Variants in ASTN2 observed in about 807,000 individuals in gnomAD.
ASTN2 encodes astrotactin-2.
In ASTN2, 54 loss-of-function variants were observed where a neutral mutation model predicts 139.8. The ratio of observed to expected loss-of-function variants is 0.39; its 90% CI spans 0.31 to 0.48. The LOEUF (loss-of-function observed/expected upper bound fraction) is 0.48. Ranked by LOEUF, ASTN2 falls within the 20% of genes least tolerant of loss-of-function variation. The pLI, the probability that ASTN2 is intolerant of heterozygous loss-of-function variation, is 0.95. For missense variants in ASTN2, 1,565 were observed against 1,725.1 expected (o/e 0.91, Z 1.64); for synonymous variants, 756 against 719.5 (o/e 1.05, Z -0.81).
chr9:117,309,881 C>T (rs1827918490), intron 1 of ASTN2, among the ~76,000 whole-genome samples: 1 of 152,082 alleles, frequency 6.6e-6, no homozygotes, highest in Non-Finnish European at 1.5e-5. Context: ...TAGAAAGGTC[C>T]CATGCTGAGT....
chr9:116,491,370 C>A (rs1328617958), intron 19 of ASTN2, among the ~76,000 whole-genome samples: 1 of 152,062 alleles, frequency 6.6e-6, no homozygotes, highest in South Asian at 2.1e-4. Context: ...CCTATTTTTT[C>A]AGTTCCAAAG....
At position 116,600,839 on chromosome 9, in the gene ASTN2, C is replaced by A. The variant is rs143981972; in HGVS notation, c.3355+17485G>T. Among the ~76,000 whole-genome samples the A allele has an allele frequency of 2.6e-5, 4 of 152,178 alleles. No individual in the cohort carries two copies. In the East Asian group the frequency reaches 7.7e-4, roughly 29 times the overall value. On this transcript the variant is annotated intron_variant, in intron 19 of 22. Coordinates refer to ENST00000313400, the MANE Select transcript of ASTN2 (RefSeq NM_001365068.1). ...TGCGTGCTGTTTCCTCTACCTGAAC[C>A]GCTTTCCATCCCACCCGCCCCTCAA...
At chr9:116,548,883 A>T (rs1852218821) in intron 19 of ASTN2, among the ~76,000 whole-genome samples, 1 of 152,164 alleles carries the variant, frequency 6.6e-6, no homozygotes, top group Admixed American at 6.5e-5. Context: ...TCAATAGGTG[A>T]TTCCTGTAGG....
At chr9:117,337,642 A>G (rs1281629510) in intron 1 of ASTN2, among the ~76,000 whole-genome samples, 1 of 152,182 alleles carries the variant, frequency 6.6e-6, no homozygotes, top group Non-Finnish European at 1.5e-5. Context: ...ATATGTTTGA[A>G]TTTTTACTGC....
At chr9:116,638,700 T>A (rs1857188242) in intron 17 of ASTN2, among the ~76,000 whole-genome samples, 1 of 152,158 alleles carries the variant, frequency 6.6e-6, no homozygotes, top group African/African-American at 2.4e-5. Context: ...ATCCATAAAA[T>A]ATCCCAAGGA....
chr9:117,148,187 C>G (rs1434495137), intron 3 of ASTN2, among the ~76,000 whole-genome samples: 10 of 152,212 alleles, frequency 6.6e-5, no homozygotes, highest in Non-Finnish European at 1.5e-4. Context: ...AGAAATCTCA[C>G]TCGAGTTCCA....
chr9:117,381,993 G>A (rs1009253218), intron 1 of ASTN2, among the ~76,000 whole-genome samples: 1 of 152,136 alleles, frequency 6.6e-6, no homozygotes, highest in Non-Finnish European at 1.5e-5. Context: ...CTGGAGTGCT[G>A]GGAGCAAGAG....
chr9:117,340,331 CAAAAAAAAAAAAAAAAA>C (rs56228779), intron 1 of ASTN2, among the ~76,000 whole-genome samples: 1 of 40,190 alleles, frequency 2.5e-5, no homozygotes, highest in Non-Finnish European at 4.1e-5. Context: ...GACTCAGTCT[CAAAAAAAAAAAAAAAAA>C]AAAAAAAAAA....
intron 5 of ASTN2, among the ~76,000 whole-genome samples, chr9:117,074,678 G>GCCAAGAA (rs1272717698): frequency 1.3e-5 from 2 of 152,176 alleles, no homozygotes; most frequent in African/African-American, 2.4e-5. Context: ...AGTAGCAGCT[G>GCCAAGAA]CTTTGATGGT....
intron 4 of ASTN2, among the ~76,000 whole-genome samples, chr9:117,118,108 C>T (rs114174166): frequency 0.024 from 3,612 of 152,262 alleles, 124 homozygotes; most frequent in African/African-American, 0.077. Flanking sequence ...CTTGGGTCTA[C>T]ATCCTGGTTC....
At chr9:117,235,029 T>A (rs946440255) in intron 2 of ASTN2, among the ~76,000 whole-genome samples, 4 of 151,862 alleles carry the variant, frequency 2.6e-5, no homozygotes, top group Non-Finnish European at 5.9e-5. Context: ...AGGTCAGGAG[T>A]TCGAGACCAG....
intron 16 of ASTN2, among the ~76,000 whole-genome samples, chr9:116,695,337 A>G (rs1303911497): frequency 6.6e-6 from 1 of 152,208 alleles, no homozygotes; most frequent in East Asian, 1.9e-4. Flanking sequence ...CTAGCATATA[A>G]TAGGCACTAG....
At chr9:117,208,711 A>C (rs1460609332) in intron 3 of ASTN2, among the ~76,000 whole-genome samples, 3 of 149,560 alleles carry the variant, frequency 2.0e-5, no homozygotes, top group Non-Finnish European at 4.5e-5. Flanking sequence ...AGTCAATGAC[A>C]AAAAAAATAA....
intron 3 of ASTN2, among the ~76,000 whole-genome samples, chr9:117,142,018 C>A (rs1027527878): frequency 1.3e-5 from 2 of 152,192 alleles, no homozygotes; most frequent in South Asian, 4.1e-4. Context: ...GAGAAGACAG[C>A]GTCCTGGATG....
chr9:116,980,935 G>A (rs1836494457), intron 7 of ASTN2, among the ~76,000 whole-genome samples: 1 of 152,116 alleles, frequency 6.6e-6, no homozygotes, highest in South Asian at 2.1e-4. Flanking sequence ...CAGCTCTCTA[G>A]GGATGCATGT....
chr9:117,391,602 G>A (rs1250600127), intron 1 of ASTN2, among the ~76,000 whole-genome samples: 1 of 152,118 alleles, frequency 6.6e-6, no homozygotes, highest in Non-Finnish European at 1.5e-5. Flanking sequence ...GATGAGATTT[G>A]GGTGGGGACA....
At position 116,729,082 on chromosome 9, in the gene ASTN2, C is replaced by A. The variant is rs779932430; in HGVS notation, c.2536G>T (p.Asp846Tyr). 1.9e-6 allele frequency: 3 copies of A among 1,589,842 alleles called. No individual in the cohort carries two copies. Among genetic ancestry groups the A allele is most frequent in the Non-Finnish European group, 2.6e-6 (3 of 1,167,066 alleles). The change falls in exon 15 of 23, where the codon GAT becomes TAT. Residue 846 changes from aspartate (D) to tyrosine (Y), a missense_variant. Coordinates refer to ENST00000313400, the MANE Select transcript of ASTN2 (RefSeq NM_001365068.1). ...LQLLTGDIRYDEAMGYPMVQQ... is the reference protein window; with the variant it reads ...LQLLTGDIRYYEAMGYPMVQQ... ...ACCATGGGGTAACCCATGGCCTCAT[C>A]ATACCTGATATCTCCTGGGAGAGAA...
intron 10 of ASTN2, among the ~76,000 whole-genome samples, chr9:116,881,377 A>C (rs117491755): frequency 0.026 from 3,984 of 152,326 alleles, 72 homozygotes; most frequent in South Asian, 0.06. Flanking sequence ...TCTGAAGTCC[A>C]TATTCTTCTC....
intron 10 of ASTN2, among the ~76,000 whole-genome samples, chr9:116,886,489 G>A (rs114477121): frequency 0.035 from 5,315 of 152,026 alleles, 156 homozygotes; most frequent in Middle Eastern, 0.11. Context: ...CTCCTACCTC[G>A]GCCTCTGGAA....
Sources: gnomAD v4.1 joint callset for allele counts (sites outside exome capture counted in the v4.1 genomes callset) on GRCh38, gnomAD v4.1.1 for gene constraint, MANE v1.5 for transcripts, NCBI Gene and HGNC (gene_info 2026-07-23, HGNC 2026-07-21) for gene names.